PACS2: variants seen among roughly 807,000 people sequenced by gnomAD.
The protein encoded by PACS2 is phosphofurin acidic cluster sorting protein 2, also known as PACS1-like protein.
PACS2 carries 36 observed loss-of-function variants against 113.0 expected under a neutral mutation model. That is an observed-to-expected ratio of 0.32 (90% CI 0.24 to 0.42). The LOEUF (loss-of-function observed/expected upper bound fraction) is 0.42. Among genes scored for constraint, PACS2 ranks in the 10% least tolerant of loss-of-function variants. PACS2 has a pLI of 1.00. For synonymous variants in PACS2, 589 were observed against 536.1 expected, an observed-to-expected ratio of 1.10 and a Z score of -1.36; for missense variants, 1,015 against 1,239.5, an observed-to-expected ratio of 0.82 and a Z score of 2.72.
chr14:105,336,923 G>T lies in PACS2; in HGVS notation c.120-11570G>T, dbSNP rs185047308. On this transcript the variant is annotated intron_variant, in intron 1 of 24. Coordinates refer to ENST00000447393, the MANE Select transcript of PACS2 (RefSeq NM_001100913.3). ...GCACTGACGCAGGGCCTCCAGGGGA[G>T]ATCTCCACCCTGTGTTCACAGCAGC... Among the ~76,000 whole-genome samples the T allele has an allele frequency of 1.6e-4, 25 of 152,310 alleles. No homozygotes were observed. The East Asian group carries it at 4.8e-3, about 29-fold the overall frequency.
upstream of PACS2, chr14:105,314,417 T>C: frequency 7.1e-6 from 1 of 141,262 alleles, no homozygotes; most frequent in Admixed American, 7.0e-5. Flanking sequence ...CGGGACCCGG[T>C]GGACCCCCAC....
At chr14:105,383,615 CGTGGCGCGGT>C (rs1259748579) in intron 16 of PACS2, 102 bp downstream of exon 16, 59 of 1,162,192 alleles carry the variant, frequency 5.1e-5, no homozygotes, top group Admixed American at 2.3e-4. Flanking sequence ...TGTGGCGTGG[CGTGGCGCGGT>C]GTGTCGTGGT....
upstream of PACS2, among the ~76,000 whole-genome samples, chr14:105,313,846 G>T (rs1024161484): frequency 1.3e-5 from 2 of 152,218 alleles, no homozygotes; most frequent in Admixed American, 1.3e-4. Flanking sequence ...AAACAGATGG[G>T]GGAAGCACCC....
Position 105,354,840 on chromosome 14 carries a change from G to T in PACS2, c.298-212G>T, listed in dbSNP as rs1387919354. Among the ~76,000 whole-genome samples the T allele has an allele frequency of 6.6e-6, 1 of 152,238 alleles. No homozygotes were observed. Among genetic ancestry groups the T allele is most frequent in the Non-Finnish European group, 1.5e-5 (1 of 68,038 alleles). On this transcript the variant is annotated intron_variant, in intron 3 of 24. Coordinates refer to ENST00000447393, the MANE Select transcript of PACS2 (RefSeq NM_001100913.3). The surrounding 1 kb of genome is among the most constrained non-coding windows in gnomAD (Gnocchi z 4.2). ...CTCAGGGCCTGAGCTCTGGCGACTG[G>T]CTCACTCTTGATTGTGTTGGGTAAA...
chr14:105,393,561 T>C, intron 24 of PACS2: 1 of 475,866 alleles, frequency 2.1e-6, no homozygotes, highest in Non-Finnish European at 3.7e-6. Context: ...AATAATGACT[T>C]GTTTCGTTTT....
intron 15 of PACS2, 38 bp downstream of exon 15, chr14:105,382,951 C>A: frequency 2.4e-6 from 3 of 1,248,044 alleles, no homozygotes; most frequent in Non-Finnish European, 3.5e-6. Flanking sequence ...CACCCAAGTA[C>A]CCCTCGGGGT....
At chr14:105,382,707 C>A in intron 14 of PACS2, 100 bp from the exon 15 acceptor site, 1 of 948,674 alleles carries the variant, frequency 1.1e-6, no homozygotes, top group Non-Finnish European at 1.6e-6. Context: ...CCTGGACGTG[C>A]CTGGGGTCTC....
chr14:105,301,913 G>C (rs945419266), intron 1 of PACS2, among the ~76,000 whole-genome samples: 1 of 152,216 alleles, frequency 6.6e-6, no homozygotes, highest in South Asian at 2.1e-4. Context: ...AAGGCAGGCG[G>C]ATCACGTAAG....
rs1297252291 is a variant in PACS2 at position 105,382,717 on chromosome 14, CTG to C, written c.1519-89_1519-88del. 5.2e-6 allele frequency: 5 copies of C among 965,942 alleles called. No individual in the cohort carries two copies. In the African/African-American group the frequency reaches 8.1e-5, roughly 16 times the overall value. 59.8% of individuals were successfully genotyped at this position (965,942 alleles called of 1,614,324 possible). A position where few individuals can be genotyped will look rare whatever the true frequency, so the allele number is the denominator to read the frequency against. On this transcript the variant is annotated intron_variant, in intron 14 of 24. Transcript: ENST00000447393. ...GTTTGCCTGGACGTGCCTGGGGTCT[CTG>C]GAGCCCCTGAGAGCTTTGGTGAGGG...
intron 2 of PACS2, 59 bp from the exon 3 acceptor site, chr14:105,352,319 G>A: frequency 1.8e-6 from 2 of 1,112,348 alleles, no homozygotes; most frequent in Admixed American, 1.7e-5. Flanking sequence ...CGGTGTCTTT[G>A]CCTGGTTTCC....
intron 15 of PACS2, 153 bp from the exon 16 acceptor site, chr14:105,383,206 G>A (rs1347025698): frequency 1.1e-6 from 1 of 871,802 alleles, no homozygotes; most frequent in Non-Finnish European, 1.9e-6. Flanking sequence ...GTTTGGGCAT[G>A]TGGGGGTCCT....
chr14:105,326,274 G>T (rs1484358065), intron 1 of PACS2, among the ~76,000 whole-genome samples: 1 of 152,134 alleles, frequency 6.6e-6, no homozygotes, highest in Non-Finnish European at 1.5e-5. Context: ...TCCTGGACAC[G>T]GGTGGGGCGG....
intron 1 of PACS2, among the ~76,000 whole-genome samples, chr14:105,320,154 T>A (rs2058834599): frequency 6.6e-6 from 1 of 151,906 alleles, no homozygotes; most frequent in South Asian, 2.1e-4. Flanking sequence ...ATTTTTGTAT[T>A]TTTAGTAGAG....
rs1213146426 is a variant in PACS2, at chr14:105,323,477, T to C, written c.119+8440T>C. 2.6e-5 allele frequency among the ~76,000 whole-genome samples: 4 copies of C among 152,252 alleles called. No homozygotes were observed. Among genetic ancestry groups the C allele is most frequent in the African/African-American group, 7.2e-5 (3 of 41,474 alleles). ...CTCTCACGGCGGGACCCTGTCTGCC[T>C]TGCTCGGTGCTGCCCAGAGCCTGCA... On this transcript the variant is annotated intron_variant, in intron 1 of 24. Transcript: ENST00000447393. This position sits in a 1 kb window ranked among gnomAD's most constrained non-coding sequence, Gnocchi z 4.1.
rs782579638 is a variant in PACS2 at position 105,348,637 on chromosome 14, C to T, written c.207+57C>T. On this transcript the variant is annotated intron_variant, in intron 2 of 24. Coordinates refer to ENST00000447393, the MANE Select transcript of PACS2 (RefSeq NM_001100913.3). This position sits in a 1 kb window ranked among gnomAD's most constrained non-coding sequence, Gnocchi z 6.4. Reference sequence around the variant, plus strand: ...GGTGCTGTGTAGGCTTTCCATGTGCCTGGGAGACGAGTCAGGCGGTGCGCT... The same window carrying T: ...GGTGCTGTGTAGGCTTTCCATGTGCTTGGGAGACGAGTCAGGCGGTGCGCT... 3.9e-6 allele frequency: 5 copies of T among 1,277,232 alleles called. No individual in the cohort carries two copies. In the South Asian group the frequency reaches 4.7e-5, roughly 12 times the overall value. 79.1% of individuals were successfully genotyped at this position (1,277,232 alleles called of 1,614,324 possible).
intron 1 of PACS2, among the ~76,000 whole-genome samples, chr14:105,337,026 G>T (rs949089000): frequency 6.6e-6 from 1 of 152,134 alleles, no homozygotes; most frequent in Non-Finnish European, 1.5e-5. Context: ...GTGGCCCTCC[G>T]CACCACCCAG....
At chr14:105,320,846 A>G (rs143015537) in intron 1 of PACS2, among the ~76,000 whole-genome samples, 2 of 152,288 alleles carry the variant, frequency 1.3e-5, no homozygotes, top group East Asian at 3.9e-4. Flanking sequence ...TGTTTGGGAT[A>G]ATTCACTTAT....
intron 19 of PACS2, chr14:105,389,359 C>G (rs587751009): frequency 6.4e-6 from 1 of 156,364 alleles, no homozygotes; most frequent in African/African-American, 2.4e-5. Flanking sequence ...CTGGGCCTGC[C>G]TGCAGGCTGT....
intron 1 of PACS2, chr14:105,336,400 C>G (rs2059522938): frequency 6.6e-6 from 1 of 152,376 alleles, no homozygotes; most frequent in Admixed American, 6.5e-5. Flanking sequence ...GTTGGCCACG[C>G]AGCCTCTCCA....
Sources: gnomAD v4.1 joint callset for allele counts (sites outside exome capture counted in the v4.1 genomes callset) on GRCh38, gnomAD v4.1.1 for gene constraint, Gnocchi (gnomAD v3.1) non-coding constraint, MANE v1.5 for transcripts, NCBI Gene and HGNC (gene_info 2026-07-23, HGNC 2026-07-21) for gene names.